The following ZNF655 variants were observed in gnomAD, a reference collection of about 807,000 sequenced individuals.
The protein encoded by ZNF655 is Vav-interacting Kruppel-like protein 1.
Under a neutral mutation model 6.6 loss-of-function variants are expected in ZNF655, and 3 were observed. That is an observed-to-expected ratio of 0.46 (90% CI 0.21 to 1.18). The LOEUF (loss-of-function observed/expected upper bound fraction) is 1.18. ZNF655 is among the 50% of genes most tolerant of loss of function. The probability of loss-of-function intolerance (pLI) is 0.24; values close to 1 mark genes in which losing one functional copy is unlikely to be tolerated. For missense variants in ZNF655, 526 were observed against 572.3 expected (o/e 0.92, Z 0.83); for synonymous variants, 178 against 195.0 (o/e 0.91, Z 0.73).
At chr7:99,565,969 T>TAC (rs34118812) in intron 2 of ZNF655, among the ~76,000 whole-genome samples, 51,663 of 150,934 alleles carry the variant, frequency 0.34, 12,996 homozygotes, top group African/African-American at 0.71. Context: ...TATGTATGTA[T>TAC]ACACACACAC....
intron 2 of ZNF655, among the ~76,000 whole-genome samples, chr7:99,565,238 T>G (rs1803533934): frequency 6.6e-6 from 1 of 151,966 alleles, no homozygotes. Context: ...GCACCATCTC[T>G]GCTCACCGCA....
At position 99,573,028 on chromosome 7, in the gene ZNF655, G is replaced by A. The variant is rs1204475933; in HGVS notation, c.920G>A (p.Ser307Asn). The change falls in exon 3 of 3, where the codon AGT becomes AAT. Residue 307 changes from serine to asparagine, a missense_variant. Physicochemically the swap from Ser to Asn is conservative, Grantham distance 46 (BLOSUM62 1). Coordinates refer to ENST00000252713, the MANE Select transcript of ZNF655 (RefSeq NM_138494.3). ...AGAGCCAAATCTTACAAATGTAGCA[G>A]TTGTGAAAGAGTCTTCAGTCGTAGT... ...HTRAKSYKCS[S>N]CERVFSRSVH... 7 of 1,614,034 alleles carry A rather than the reference G, an allele frequency of 4.3e-6. No individual in the cohort carries two copies. The highest frequency in any genetic ancestry group is 5.9e-6 in the Non-Finnish European group (7 of 1,180,014).
chr7:99,565,128 G>A (rs1192268106), intron 2 of ZNF655, among the ~76,000 whole-genome samples: 2 of 151,874 alleles, frequency 1.3e-5, no homozygotes, highest in Non-Finnish European at 2.9e-5. Context: ...GCATAACTGG[G>A]TTAAGTTTAT....
chr7:99,575,230 G>A lies in ZNF655; in HGVS notation c.*1646G>A, dbSNP rs1429417159. 1 of 152,466 alleles carries A rather than the reference G, an allele frequency of 6.6e-6. No homozygotes were observed. The highest frequency in any genetic ancestry group is 1.9e-4 in the East Asian group (1 of 5,186). 9.4% of individuals were successfully genotyped at this position (152,466 alleles called of 1,614,324 possible). A position where few individuals can be genotyped will look rare whatever the true frequency, so the allele number is the denominator to read the frequency against. ...AGCAAAATGCTCAGGTCTGCTCTTG[G>A]TAGGGTAAACATAAAGAAGATACAC... On this transcript the variant is annotated 3_prime_UTR_variant, in exon 3 of 3. Transcript: ENST00000252713.
intron 2 of ZNF655, among the ~76,000 whole-genome samples, chr7:99,568,354 G>A (rs1175577254): frequency 2.7e-5 from 4 of 149,980 alleles, no homozygotes; most frequent in African/African-American, 9.8e-5. Context: ...GGGTTCAAGC[G>A]ATTCTCCTTC....
chr7:99,562,935 T>C (rs1401095615), intron 2 of ZNF655, among the ~76,000 whole-genome samples: 1 of 152,194 alleles, frequency 6.6e-6, no homozygotes, highest in African/African-American at 2.4e-5. Context: ...AAATGCCGTT[T>C]ATTTAAAAAG....
At chr7:99,564,208 A>C in intron 2 of ZNF655, 2 of 1,366,460 alleles carry the variant, frequency 1.5e-6, no homozygotes, top group Non-Finnish European at 1.9e-6. Context: ...AACCCAGTTC[A>C]TTCAGAAACC....
rs1168966998 is a variant in ZNF655, at chr7:99,574,894, C to A, written c.*1310C>A. The A allele has an allele frequency of 6.6e-6, 1 of 152,206 alleles. No homozygotes were observed. Among genetic ancestry groups the A allele is most frequent in the Non-Finnish European group, 1.5e-5 (1 of 68,040 alleles). 9.4% of individuals were successfully genotyped at this position (152,206 alleles called of 1,614,324 possible). The stretch of plus-strand genomic sequence containing the variant: ...GTGTTTCACCAGCAAGTATTCCATA[C>A]CTACTTGATGTTGCTGGTCTGGTGT... On this transcript the variant is annotated 3_prime_UTR_variant, in exon 3 of 3. Transcript: ENST00000252713.
chr7:99,571,137 C>T (rs1023061315), intron 2 of ZNF655: 2 of 872,380 alleles, frequency 2.3e-6, no homozygotes, highest in African/African-American at 1.8e-5. Flanking sequence ...ATAAATGCTA[C>T]ACTCCTAATG....
intron 2 of ZNF655, chr7:99,564,026 T>A: frequency 6.2e-7 from 1 of 1,610,744 alleles, no homozygotes; most frequent in Non-Finnish European, 8.5e-7. Flanking sequence ...ATATTGCTCG[T>A]CCCTGCTCGG....
intron 1 of ZNF655, among the ~76,000 whole-genome samples, chr7:99,560,229 C>A (rs1803010768): frequency 6.6e-6 from 1 of 151,684 alleles, no homozygotes; most frequent in Admixed American, 6.6e-5. Flanking sequence ...GGATTACAGA[C>A]CCGCACCACC....
chr7:99,564,226 G>T (rs1158587036), intron 2 of ZNF655: 14 of 1,361,870 alleles, frequency 1.0e-5, no homozygotes, highest in Non-Finnish European at 1.3e-5. Flanking sequence ...ACCATGGTTG[G>T]TGGTCATCAT....
At position 99,564,608 on chromosome 7, in the gene ZNF655, A is replaced by G. The variant is rs1584250781; in HGVS notation, c.136+3913A>G. The G allele has an allele frequency of 4.4e-5, 43 of 985,474 alleles. No individual in the cohort carries two copies. The South Asian group carries it at 1.7e-3, about 39-fold the overall frequency. 61.0% of individuals were successfully genotyped at this position (985,474 alleles called of 1,614,324 possible). A position where few individuals can be genotyped will look rare whatever the true frequency, so the allele number is the denominator to read the frequency against. On this transcript the variant is annotated intron_variant, in intron 2 of 2. Coordinates refer to ENST00000252713, the MANE Select transcript of ZNF655 (RefSeq NM_138494.3). ...AATTTATTTCAGGGCATCAAATTGA[A>G]TATCTACTTAATAACTTTGTAAACT...
intron 2 of ZNF655, among the ~76,000 whole-genome samples, chr7:99,565,391 G>A (rs188647817): frequency 5.3e-5 from 8 of 152,166 alleles, no homozygotes; most frequent in East Asian, 1.9e-4. Context: ...GGATGGTCTC[G>A]ATCTCCTGAC....
At chr7:99,562,409 A>G (rs777394963) in intron 2 of ZNF655, 20 of 1,614,020 alleles carry the variant, frequency 1.2e-5, no homozygotes, top group Non-Finnish European at 1.5e-5. Context: ...ACCTTACTCG[A>G]GAGGAATGGG....
chr7:99,564,832 C>T (rs975996059), intron 2 of ZNF655: 2 of 399,866 alleles, frequency 5.0e-6, no homozygotes, highest in African/African-American at 2.2e-5. Context: ...GACATGCAGT[C>T]GACATGCATA....
chr7:99,568,038 G>A (rs545326857), intron 2 of ZNF655, among the ~76,000 whole-genome samples: 19 of 136,098 alleles, frequency 1.4e-4, no homozygotes, highest in Non-Finnish European at 2.8e-4. Flanking sequence ...CAGCCTGGGC[G>A]ACAGAGCGAG....
At chr7:99,560,751 A>G (rs544034003) in intron 2 of ZNF655, 56 bp downstream of exon 2, 43 of 1,590,036 alleles carry the variant, frequency 2.7e-5, no homozygotes, top group Non-Finnish European at 3.5e-5. Flanking sequence ...GGGGCTCCCG[A>G]GGGGGCTCCT....
chr7:99,571,826 G>A (rs1804095711), intron 2 of ZNF655: 1 of 1,466,518 alleles, frequency 6.8e-7, no homozygotes, highest in Non-Finnish European at 9.3e-7. Context: ...AATTAGTAGG[G>A]AAGTAAAGTT....
Sources: allele counts gnomAD v4.1 joint callset (sites outside exome capture counted in the v4.1 genomes callset), GRCh38; gene constraint gnomAD v4.1.1; transcripts MANE v1.5; gene names NCBI Gene and HGNC (gene_info 2026-07-23, HGNC 2026-07-21).